The following PCNX2 variants were observed in gnomAD, a reference collection of about 807,000 sequenced individuals.
PCNX2 encodes pecanex-like protein 2.
PCNX2 carries 168 observed loss-of-function variants against 223.8 expected under a neutral mutation model. The observed-to-expected ratio is 0.75, with a 90% CI of 0.66 to 0.85. PCNX2 has a LOEUF of 0.85. PCNX2 is among the 40% of genes least tolerant of loss of function. PCNX2 has a pLI of 0.00. For missense variants in PCNX2, 2,507 were observed against 2,675.5 expected, an observed-to-expected ratio of 0.94 and a Z score of 1.39; for synonymous variants, 1,006 against 1,052.6, an observed-to-expected ratio of 0.96 and a Z score of 0.86.
intron 25 of PCNX2, among the ~76,000 whole-genome samples, chr1:233,046,278 A>G (rs1242707399): frequency 6.6e-6 from 1 of 152,228 alleles, no homozygotes; most frequent in Non-Finnish European, 1.5e-5. Flanking sequence ...GACCAAAATA[A>G]AGCCATTATT....
chr1:233,206,417 C>T (rs148085145), intron 13 of PCNX2, among the ~76,000 whole-genome samples: 1 of 142,468 alleles, frequency 7.0e-6, no homozygotes, highest in African/African-American at 2.5e-5. Context: ...GAGTGAGCAT[C>T]TCTGTCTACT....
At chr1:233,130,419 C>G (rs910813371) in intron 21 of PCNX2, among the ~76,000 whole-genome samples, 24 of 151,582 alleles carry the variant, frequency 1.6e-4, no homozygotes, top group Non-Finnish European at 2.4e-4. Flanking sequence ...CTTAATTTGT[C>G]TGGTGGGTTC....
At chr1:233,324,694 G>A in the PCNX2 span, among the ~76,000 whole-genome samples, 4 of 146,264 alleles carry the variant, frequency 2.7e-5, no homozygotes, top group Admixed American at 7.1e-5. Flanking sequence ...TCCACCTCCC[G>A]GGTTCAAGTG....
rs1178116189 is a variant in PCNX2, at chr1:233,295,717, C to G, written c.-239G>C. ...GCGGCCGGGCAGGTGAGCGCCATGTCCGAGGGAGGAAGGATTTTCCCATCG... is the reference window on the plus strand; with the variant it reads ...GCGGCCGGGCAGGTGAGCGCCATGTGCGAGGGAGGAAGGATTTTCCCATCG... On this transcript the variant is annotated 5_prime_UTR_variant, in exon 1 of 34. Coordinates refer to ENST00000258229, the MANE Select transcript of PCNX2 (RefSeq NM_014801.4). This position sits in a 1 kb window ranked among gnomAD's most constrained non-coding sequence, Gnocchi z 4.1. The G allele has an allele frequency of 2.6e-6, 1 of 390,030 alleles. No homozygotes were observed. The highest frequency in any genetic ancestry group is 4.4e-6 in the Non-Finnish European group (1 of 227,634). 24.2% of individuals were successfully genotyped at this position (390,030 alleles called of 1,614,324 possible).
At chr1:233,082,184 T>G (rs1377471128) in intron 23 of PCNX2, among the ~76,000 whole-genome samples, 3 of 152,038 alleles carry the variant, frequency 2.0e-5, no homozygotes, top group African/African-American at 4.8e-5. Flanking sequence ...ATAAGAAAAA[T>G]GAAAGTCTAC....
chr1:233,175,344 G>C (rs913635951), intron 17 of PCNX2, among the ~76,000 whole-genome samples: 1 of 151,944 alleles, frequency 6.6e-6, no homozygotes, highest in African/African-American at 2.4e-5. Flanking sequence ...CATTTCAAAG[G>C]GTATGAAAAC....
intron 25 of PCNX2, 87 bp downstream of exon 25, chr1:233,054,181 T>G: frequency 1.6e-6 from 2 of 1,263,066 alleles, no homozygotes; most frequent in South Asian, 2.8e-5. Context: ...TTTTTCCTGT[T>G]TAACAGTGAC....
intron 28 of PCNX2, among the ~76,000 whole-genome samples, chr1:233,009,409 T>C (rs1027302146): frequency 2.0e-5 from 3 of 152,216 alleles, no homozygotes. Context: ...AGGATTTCAG[T>C]GATATTGGTG....
rs1438000014 is a variant in PCNX2 at position 233,261,266 on chromosome 1, T to C, written c.517+19A>G. On this transcript the variant is annotated intron_variant, in intron 4 of 33. Coordinates refer to ENST00000258229, the MANE Select transcript of PCNX2 (RefSeq NM_014801.4). ...CTGAGGATAGTGCTGTGATAAAATATAAATGATTAACAGTTTACCTTTGAG... is the reference window on the plus strand; with the variant it reads ...CTGAGGATAGTGCTGTGATAAAATACAAATGATTAACAGTTTACCTTTGAG... 1.3e-6 allele frequency: 2 copies of C among 1,595,484 alleles called. No homozygotes were observed. The highest frequency in any genetic ancestry group is 1.7e-6 in the Non-Finnish European group (2 of 1,163,630).
intron 23 of PCNX2, among the ~76,000 whole-genome samples, chr1:233,077,935 C>T (rs1673171112): frequency 6.6e-6 from 1 of 152,106 alleles, no homozygotes; most frequent in African/African-American, 2.4e-5. Flanking sequence ...CAGAATGCTT[C>T]CAAAGTGACA....
At chr1:233,196,001 A>C (rs1342174236) in intron 15 of PCNX2, among the ~76,000 whole-genome samples, 1 of 152,218 alleles carries the variant, frequency 6.6e-6, no homozygotes, top group Non-Finnish European at 1.5e-5. Flanking sequence ...ATTGGGAGAC[A>C]CACTATCTGA....
At chr1:233,111,240 T>C (rs1453017109) in intron 21 of PCNX2, among the ~76,000 whole-genome samples, 1 of 152,144 alleles carries the variant, frequency 6.6e-6, no homozygotes, top group Non-Finnish European at 1.5e-5. Context: ...GCCTCAGTTT[T>C]CTCATCTGCA....
At chr1:232,999,671 C>T in intron 30 of PCNX2, 1 of 315,342 alleles carries the variant, frequency 3.2e-6, no homozygotes, top group African/African-American at 2.2e-5. Context: ...TCAGGCTGGT[C>T]TCGAACTCTT....
chr1:233,172,769 T>C (rs1679231299), intron 17 of PCNX2, among the ~76,000 whole-genome samples: 1 of 152,272 alleles, frequency 6.6e-6, no homozygotes, highest in Non-Finnish European at 1.5e-5. Context: ...TGTCAGGTTT[T>C]GTTACATTCA....
the PCNX2 span, among the ~76,000 whole-genome samples, chr1:233,304,192 G>A: frequency 2.6e-5 from 4 of 152,190 alleles, no homozygotes; most frequent in Non-Finnish European, 5.9e-5. Context: ...GGACAGGATG[G>A]TGTCAGCACA....
In PCNX2 at chr1:233,295,568, C is replaced by T. The variant is rs1023083939; in HGVS notation, c.-90G>A. The T allele has an allele frequency of 7.1e-6, 9 of 1,262,282 alleles. No homozygotes were observed. In the Admixed American group the frequency reaches 2.1e-4, roughly 30 times the overall value. 78.2% of individuals were successfully genotyped at this position (1,262,282 alleles called of 1,614,324 possible). On this transcript the variant is annotated 5_prime_UTR_variant, in exon 1 of 34. Transcript: ENST00000258229. This position sits in a 1 kb window ranked among gnomAD's most constrained non-coding sequence, Gnocchi z 4.1. ...GGCTCCCTCAGGTCTAACACCCGGGCCCGCGGGCCGCGCCCCCGCCGTCGC... is the reference window on the plus strand; with the variant it reads ...GGCTCCCTCAGGTCTAACACCCGGGTCCGCGGGCCGCGCCCCCGCCGTCGC...
chr1:233,086,488 T>C (rs1673605370), intron 23 of PCNX2, among the ~76,000 whole-genome samples: 2 of 151,324 alleles, frequency 1.3e-5, no homozygotes, highest in Non-Finnish European at 2.9e-5. Context: ...AAACCCCGTC[T>C]CTACTAAAAA....
intron 21 of PCNX2, among the ~76,000 whole-genome samples, chr1:233,099,341 T>C (rs112383121): frequency 1.6e-4 from 25 of 152,302 alleles, no homozygotes; most frequent in African/African-American, 5.8e-4. Context: ...GCAGCAGCCA[T>C]GATTCAGAAA....
rs1280768310 is a variant in PCNX2, at chr1:232,986,320, G to A, written c.6012C>T (p.Thr2004=). Residue 2004 remains threonine (T), a synonymous_variant, in exon 33 of 34, where the codon ACC becomes ACT. Coordinates refer to ENST00000258229, the MANE Select transcript of PCNX2 (RefSeq NM_014801.4). ...LHSQPPPVTT[T]GHLSVRERAE... is the part of the protein sequence containing the mutation. ...CCCGCTCACGGACACTCAGGTGGCC[G>A]GTGGTGGTGACGGGCGGGGGCTGAG... The A allele has an allele frequency of 5.0e-6, 8 of 1,587,758 alleles. No homozygotes were observed. Among genetic ancestry groups the A allele is most frequent in the African/African-American group, 1.3e-5 (1 of 74,610 alleles).
Sources: allele counts gnomAD v4.1 joint callset (sites outside exome capture counted in the v4.1 genomes callset), GRCh38; gene constraint gnomAD v4.1.1; non-coding constraint Gnocchi (gnomAD v3.1); transcripts MANE v1.5; gene names NCBI Gene and HGNC (gene_info 2026-07-23, HGNC 2026-07-21).